The following BRINP3 variants were observed in gnomAD, a reference collection of about 807,000 sequenced individuals.
BRINP3 encodes BMP/retinoic acid-inducible neural-specific protein 3.
Under a neutral mutation model 71.0 loss-of-function variants are expected in BRINP3, and 19 were observed. The ratio of observed to expected loss-of-function variants is 0.27; its 90% CI spans 0.19 to 0.39. BRINP3 has a LOEUF of 0.39. BRINP3 is among the 10% of genes least tolerant of loss of function. The pLI is 1.00. For missense variants in BRINP3, 959 were observed against 940.8 expected (o/e 1.02, Z -0.25); for synonymous variants, 380 against 337.7 (o/e 1.13, Z -1.37).
Position 190,099,180 on chromosome 1 carries a change from C to T in BRINP3, c.1185-46G>A, listed in dbSNP as rs1405723033. The stretch of plus-strand genomic sequence containing the variant: ...GAATCTACATAAATACAAAGATATT[C>T]TGTGTACTGCAGTAAACCGTAGCTC... On this transcript the variant is annotated intron_variant, in intron 7 of 7. Coordinates refer to ENST00000367462, the MANE Select transcript of BRINP3 (RefSeq NM_199051.3). 3 of 1,553,816 alleles carry T rather than the reference C, an allele frequency of 1.9e-6. No individual in the cohort carries two copies. The South Asian group carries it at 3.5e-5, about 18-fold the overall frequency.
intron 7 of BRINP3, among the ~76,000 whole-genome samples, chr1:190,128,803 G>C (rs915542042): frequency 4.0e-5 from 6 of 151,658 alleles, no homozygotes; most frequent in African/African-American, 1.5e-4. Flanking sequence ...GTGATGAAAA[G>C]GGATATTGGA....
chr1:190,430,510 G>A (rs1484638215), intron 2 of BRINP3, among the ~76,000 whole-genome samples: 4 of 152,146 alleles, frequency 2.6e-5, no homozygotes, highest in Non-Finnish European at 5.9e-5. Context: ...GGGGCTCAGT[G>A]TGCCTAAGCC....
chr1:190,112,713 T>G (rs1349050698), intron 7 of BRINP3, among the ~76,000 whole-genome samples: 1 of 152,164 alleles, frequency 6.6e-6, no homozygotes, highest in Non-Finnish European at 1.5e-5. Context: ...TCATTTTAGT[T>G]TACTCCCACA....
chr1:190,257,615 T>C (rs1660786456), intron 4 of BRINP3, among the ~76,000 whole-genome samples: 1 of 152,244 alleles, frequency 6.6e-6, no homozygotes, highest in African/African-American at 2.4e-5. Context: ...TTTCTAGTTT[T>C]ATCTACCTTT....
intron 4 of BRINP3, among the ~76,000 whole-genome samples, chr1:190,246,696 A>T (rs978802752): frequency 7.6e-4 from 116 of 152,162 alleles, no homozygotes; most frequent in African/African-American, 2.3e-3. Context: ...GCCATGAACT[A>T]AATGAAACCT....
chr1:190,204,916 G>T (rs1655359768), intron 6 of BRINP3, among the ~76,000 whole-genome samples: 1 of 150,802 alleles, frequency 6.6e-6, no homozygotes, highest in South Asian at 2.1e-4. Flanking sequence ...TTCCTTCTTT[G>T]TTATGCTTCC....
intron 2 of BRINP3, among the ~76,000 whole-genome samples, chr1:190,320,252 T>A (rs1666150660): frequency 6.6e-6 from 1 of 152,178 alleles, no homozygotes; most frequent in Admixed American, 6.6e-5. Flanking sequence ...CATCTATGCA[T>A]ACAGGTAAGA....
intron 3 of BRINP3, among the ~76,000 whole-genome samples, chr1:190,272,951 C>A (rs578217255): frequency 2.0e-5 from 3 of 151,526 alleles, no homozygotes; most frequent in Non-Finnish European, 3.0e-5. Flanking sequence ...CTTGTGCTAA[C>A]CTTCAACTTT....
intron 2 of BRINP3, among the ~76,000 whole-genome samples, chr1:190,336,824 T>TTCAC (rs1191783553): frequency 1.8e-5 from 1 of 54,416 alleles, no homozygotes; most frequent in African/African-American, 6.9e-5. Flanking sequence ...CCTTCCCTCC[T>TTCAC]TCCCTCCCTC....
chr1:190,188,506 A>G (rs974284835), intron 6 of BRINP3, among the ~76,000 whole-genome samples: 5 of 152,172 alleles, frequency 3.3e-5, no homozygotes, highest in African/African-American at 9.6e-5. Flanking sequence ...ATTGTCATAT[A>G]TAGCCTTTAT....
intron 4 of BRINP3, among the ~76,000 whole-genome samples, chr1:190,236,580 G>A (rs1047453844): frequency 1.3e-5 from 2 of 151,922 alleles, no homozygotes; most frequent in Admixed American, 6.6e-5. Flanking sequence ...TGACAGTGTG[G>A]TTTATCATGG....
At chr1:190,357,135 A>G (rs987479813) in intron 2 of BRINP3, among the ~76,000 whole-genome samples, 9 of 152,010 alleles carry the variant, frequency 5.9e-5, no homozygotes, top group African/African-American at 2.2e-4. Flanking sequence ...TCTATTTTAT[A>G]TCAGTCAGGT....
At chr1:190,163,070 G>A (rs976808516) in intron 6 of BRINP3, among the ~76,000 whole-genome samples, 11 of 151,828 alleles carry the variant, frequency 7.2e-5, no homozygotes, top group Admixed American at 2.6e-4. Flanking sequence ...GAAGACCCCC[G>A]GAAATATTCC....
intron 2 of BRINP3, among the ~76,000 whole-genome samples, chr1:190,349,341 T>C (rs552075086): frequency 2.8e-4 from 43 of 152,014 alleles, no homozygotes; most frequent in African/African-American, 1.0e-3. Context: ...AGGTTAAGAG[T>C]GGAGAGTGAG....
intron 2 of BRINP3, among the ~76,000 whole-genome samples, chr1:190,346,376 ATAGT>A (rs1171498238): frequency 8.5e-5 from 13 of 152,100 alleles, no homozygotes; most frequent in African/African-American, 2.9e-4. Context: ...TTGTTAATAT[ATAGT>A]TAGTTGTATG....
rs1356374523 is a variant in BRINP3, at chr1:190,117,914, AAT to A, written c.1185-18782_1185-18781del. On this transcript the variant is annotated intron_variant, in intron 7 of 7. Transcript: ENST00000367462. ...TGTAGAAAGCAGATCAGTTTTATAA[AAT>A]AGCTCACATTTTGGATTCGATGATG... Among the ~76,000 whole-genome samples the A allele has an allele frequency of 3.3e-5, 5 of 152,164 alleles. No individual in the cohort carries two copies. In the East Asian group the frequency reaches 9.7e-4, roughly 29 times the overall value.
intron 4 of BRINP3, among the ~76,000 whole-genome samples, chr1:190,239,781 C>A (rs1002956006): frequency 6.6e-6 from 1 of 151,942 alleles, no homozygotes; most frequent in Admixed American, 6.6e-5. Flanking sequence ...TATCAATCAT[C>A]CATGCATATG....
At chr1:190,124,961 T>G (rs1653967970) in intron 7 of BRINP3, among the ~76,000 whole-genome samples, 1 of 152,036 alleles carries the variant, frequency 6.6e-6, no homozygotes. Flanking sequence ...AGATCAGCAT[T>G]TGCAATGTAC....
intron 4 of BRINP3, among the ~76,000 whole-genome samples, chr1:190,242,568 A>T (rs952262357): frequency 6.6e-6 from 1 of 152,068 alleles, no homozygotes; most frequent in Non-Finnish European, 1.5e-5. Context: ...GAAGCTGACA[A>T]CTATATTCTC....
Sources: gnomAD v4.1 joint callset for allele counts (sites outside exome capture counted in the v4.1 genomes callset) on GRCh38, gnomAD v4.1.1 for gene constraint, MANE v1.5 for transcripts, NCBI Gene and HGNC (gene_info 2026-07-23, HGNC 2026-07-21) for gene names.